Variants in PKLR observed in about 807,000 individuals in gnomAD.
PKLR encodes pyruvate kinase PKLR.
A neutral mutation model predicts 53.6 loss-of-function variants in PKLR; 38 were observed. That is an observed-to-expected ratio of 0.71 (90% CI 0.55 to 0.93). The LOEUF (loss-of-function observed/expected upper bound fraction) is 0.93, where lower values mean the gene tolerates loss of function less well. Among genes scored for constraint, PKLR ranks in the 40% least tolerant of loss-of-function variants. The pLI is 0.00. For synonymous variants in PKLR, 328 were observed against 316.2 expected (o/e 1.04, Z -0.39); for missense variants, 702 against 787.3 (o/e 0.89, Z 1.30).
At chr1:155,290,712 G>A in intron 10 of PKLR, 34 bp from the exon 11 acceptor site, 3 of 1,301,180 alleles carry the variant, frequency 2.3e-6, no homozygotes, top group Non-Finnish European at 3.3e-6. Context: ...TCATTGGACA[G>A]GTGTGGTGGC....
At chr1:155,290,744 T>C (rs926736215) in intron 10 of PKLR, 66 bp from the exon 11 acceptor site, 3 of 992,614 alleles carry the variant, frequency 3.0e-6, no homozygotes, top group Non-Finnish European at 4.8e-6. Flanking sequence ...ATCCCATCAC[T>C]TTGGGAAGCC....
At position 155,293,103 on chromosome 1, in the gene PKLR, AC is replaced by A. The variant is rs962524535; in HGVS notation, c.1436+73del. ...TCTTCACCCCTGGTGACCAGACTAA[AC>A]CCAAGCCTGGGGCCCGTCCCAGCCC... On this transcript the variant is annotated intron_variant, in intron 9 of 10. Coordinates refer to ENST00000342741, the MANE Select transcript of PKLR (RefSeq NM_000298.6). The surrounding 1 kb of genome is among the most constrained non-coding windows in gnomAD (Gnocchi z 4.2). 2.6e-6 allele frequency: 4 copies of A among 1,511,374 alleles called. No homozygotes were observed. The African/African-American group carries it at 5.5e-5, about 21-fold the overall frequency. The allele number at this position is 1,511,374 out of a possible 1,614,324, so 93.6% of individuals were successfully genotyped here. A position where few individuals can be genotyped will look rare whatever the true frequency, so the allele number is the denominator to read the frequency against.
At position 155,295,047 on chromosome 1, in the gene PKLR, TG is replaced by T; in HGVS notation, c.694+68del. ...AAGGTGTGATCGGTCTGAGGGCTGA[TG>T]GGGGAGCCAAGGAGAAGGGAATGTG... On this transcript the variant is annotated intron_variant, in intron 5 of 10. Transcript: ENST00000342741. This position sits in a 1 kb window ranked among gnomAD's most constrained non-coding sequence, Gnocchi z 4.3. The T allele has an allele frequency of 4.6e-6, 7 of 1,537,410 alleles. No homozygotes were observed. The highest frequency in any genetic ancestry group is 5.4e-6 in the Non-Finnish European group (6 of 1,120,788).
chr1:155,293,257 A>G lies in PKLR; in HGVS notation c.1356T>C (p.Thr452=). The G allele has an allele frequency of 6.2e-7, 1 of 1,614,172 alleles. No individual in the cohort carries two copies. The highest frequency in any genetic ancestry group is 8.5e-7 in the Non-Finnish European group (1 of 1,180,030). Residue 452 remains threonine, a synonymous_variant, in exon 9 of 11, where the codon ACT becomes ACC. Transcript: ENST00000342741. This position sits in a 1 kb window ranked among gnomAD's most constrained non-coding sequence, Gnocchi z 4.2. The part of the protein sequence containing the change: ...RRAAPLSRDP[T]EVTAIGAVEA... The stretch of plus-strand genomic sequence containing the variant: ...CCACAGCACCAATGGCGGTGACCTC[A>G]GTGGGATCACGGCTTAGTGGCGCTG...
At chr1:155,294,106 C>T (rs1221323973) in intron 7 of PKLR, 129 bp downstream of exon 7, 2 of 1,091,222 alleles carry the variant, frequency 1.8e-6, no homozygotes, top group Non-Finnish European at 2.8e-6. Flanking sequence ...GCACTCCAGC[C>T]TGGATGACAG....
At chr1:155,303,961 A>G (rs886338515), upstream of PKLR, among the ~76,000 whole-genome samples, 1 of 152,120 alleles carries the variant, frequency 6.6e-6, no homozygotes, top group African/African-American at 2.4e-5. Context: ...GGCTCTGAGG[A>G]AGAAAAAGCT....
In PKLR at chr1:155,294,328, G is replaced by C. The variant is rs757318290; in HGVS notation, c.1023C>G (p.Gly341=). ...DGIMVARGDL[G]IEIPAEKVFL... is the part of the protein sequence containing the mutation. Reference sequence around the variant, plus strand: ...AAACCTTCTCTGCTGGGATCTCGATGCCTAGGTCCCCCCGTGCCACCATGA... The same window carrying C: ...AAACCTTCTCTGCTGGGATCTCGATCCCTAGGTCCCCCCGTGCCACCATGA... The change falls in exon 7 of 11, where the codon GGC becomes GGG. Residue 341 remains glycine, a synonymous_variant. Transcript: ENST00000342741. The C allele has an allele frequency of 1.1e-5, 17 of 1,613,916 alleles. No homozygotes were observed. In the South Asian group the frequency reaches 1.1e-4, roughly 10 times the overall value.
At chr1:155,290,989 AAATAATAATAATAATAATAATAATAAT>A (rs201306934) in intron 10 of PKLR, among the ~76,000 whole-genome samples, 19 of 134,136 alleles carry the variant, frequency 1.4e-4, no homozygotes, top group Admixed American at 5.4e-4. Context: ...CTCCATCTCA[AAATAATAATAATAATAATAATAATAAT>A]AATAATAATA....
chr1:155,299,654 G>A (rs1414771214), intron 2 of PKLR, among the ~76,000 whole-genome samples: 1 of 151,180 alleles, frequency 6.6e-6, no homozygotes, highest in Non-Finnish European at 1.5e-5. Context: ...TTGCAGGCAC[G>A]CACCACCATG....
At chr1:155,302,392 A>G (rs934216235), upstream of PKLR, among the ~76,000 whole-genome samples, 20 of 150,666 alleles carry the variant, frequency 1.3e-4, no homozygotes, top group African/African-American at 4.6e-4. Flanking sequence ...ATGCACCACC[A>G]CGCCTGGCTA....
At position 155,294,358 on chromosome 1, in the gene PKLR, G is replaced by A. The variant is rs138476691; in HGVS notation, c.993C>T (p.Asp331=). 3.3e-4 allele frequency: 534 copies of A among 1,613,960 alleles called. No individual in the cohort carries two copies. Among genetic ancestry groups the A allele is most frequent in the Middle Eastern group, 6.6e-4 (4 of 6,084 alleles). Residue 331 remains aspartate (D), a synonymous_variant, in exon 7 of 11, where the codon GAC becomes GAT. Coordinates refer to ENST00000342741, the MANE Select transcript of PKLR (RefSeq NM_000298.6). ...KRFDEILEVS[D]GIMVARGDLG... ...GGTCCCCCCGTGCCACCATGATGCC[G>A]TCGCTCACCTCCAGGATTTCATCAA...
In PKLR at chr1:155,296,596, C is replaced by T. The variant is rs376831256; in HGVS notation, c.284-840G>A. On this transcript the variant is annotated intron_variant, in intron 2 of 10. Transcript: ENST00000342741. ...TTGACCTCAGGTGATCCATCCACCT[C>T]GCCCTCCCAAAATGCTGGGATTACA... is the stretch of plus-strand genomic sequence containing the variant. Among the ~76,000 whole-genome samples the T allele has an allele frequency of 3.9e-5, 6 of 152,232 alleles. 2 individuals are homozygous for T. Among genetic ancestry groups the T allele is most frequent in the Admixed American group, 6.5e-5 (1 of 15,294 alleles).
At chr1:155,299,584 A>G (rs1171754541) in intron 2 of PKLR, among the ~76,000 whole-genome samples, 1 of 119,860 alleles carries the variant, frequency 8.3e-6, no homozygotes, top group Non-Finnish European at 1.6e-5. Flanking sequence ...TCGGCTCACC[A>G]CAGTCTCCGC....
At position 155,298,953 on chromosome 1, in the gene PKLR, C is replaced by CCTTTCTTTCTTTCTTT. The variant is rs530027982; in HGVS notation, c.283+1129_283+1144dup. ...CCACCATGCCCGGCCAACTTTCACT[C>CCTTTCTTTCTTTCTTT]CTTTCTTTCTTTCTTTCTTTCTTTC... On this transcript the variant is annotated intron_variant, in intron 2 of 10. Transcript: ENST00000342741. Among the ~76,000 whole-genome samples the CCTTTCTTTCTTTCTTT allele has an allele frequency of 4.5e-4, 47 of 103,932 alleles. 1 individual carries two copies. Among genetic ancestry groups the CCTTTCTTTCTTTCTTT allele is most frequent in the Non-Finnish European group, 7.4e-4 (34 of 46,048 alleles). The allele number at this position is 103,932 out of a possible 152,430, so 68.2% of individuals were successfully genotyped here.
chr1:155,299,022 CTTT>C (rs1557963318), intron 2 of PKLR, among the ~76,000 whole-genome samples: 7,185 of 96,906 alleles, frequency 0.074, 618 homozygotes, highest in East Asian at 0.2. Context: ...TTCTTTCTTT[CTTT>C]CTTTCTTTCT....
chr1:155,295,609 C>T lies in PKLR; in HGVS notation c.376-41G>A. On this transcript the variant is annotated intron_variant, in intron 3 of 10. Transcript: ENST00000342741. This position sits in a 1 kb window ranked among gnomAD's most constrained non-coding sequence, Gnocchi z 4.3. ...GAGCGAGGGTTTCAGGGGAAGGTGGCCAGGACCTCGAGGCATCCTCCTGCC... is the reference window on the plus strand; with the variant it reads ...GAGCGAGGGTTTCAGGGGAAGGTGGTCAGGACCTCGAGGCATCCTCCTGCC... 3 of 1,614,028 alleles carry T rather than the reference C, an allele frequency of 1.9e-6. No homozygotes were observed. Among genetic ancestry groups the T allele is most frequent in the African/African-American group, 1.3e-5 (1 of 75,052 alleles).
At chr1:155,308,548 A>G in the PKLR span, 1 of 985,158 alleles carries the variant, frequency 1.0e-6, no homozygotes, top group African/African-American at 1.7e-5. Flanking sequence ...GCTGCGTTTT[A>G]CTAACGTGCC....
At chr1:155,298,227 G>A (rs1342188860) in intron 2 of PKLR, among the ~76,000 whole-genome samples, 1 of 151,836 alleles carries the variant, frequency 6.6e-6, no homozygotes, top group African/African-American at 2.4e-5. Flanking sequence ...TTAGAGACGG[G>A]GTTTCACCAT....
At chr1:155,305,968 C>T (rs2148225047), upstream of PKLR, among the ~76,000 whole-genome samples, 1 of 152,194 alleles carries the variant, frequency 6.6e-6, no homozygotes, top group South Asian at 2.1e-4. Context: ...ATTGAACTGA[C>T]TCCAGAACCA....
Sources: allele counts gnomAD v4.1 joint callset (sites outside exome capture counted in the v4.1 genomes callset), GRCh38; gene constraint gnomAD v4.1.1; non-coding constraint Gnocchi (gnomAD v3.1); transcripts MANE v1.5; gene names NCBI Gene and HGNC (gene_info 2026-07-23, HGNC 2026-07-21).